The following PGR variants were observed in gnomAD, a reference collection of about 807,000 sequenced individuals.
PGR encodes progesterone receptor.
PGR carries 25 observed loss-of-function variants against 76.1 expected under a neutral mutation model. That is an observed-to-expected ratio of 0.33 (90% CI 0.24 to 0.46). The LOEUF (loss-of-function observed/expected upper bound fraction) is 0.46. PGR is among the 20% of genes least tolerant of loss of function. The pLI is 1.00. For synonymous variants in PGR, 579 were observed against 535.0 expected (o/e 1.08, Z -1.14); for missense variants, 1,172 against 1,225.3 (o/e 0.96, Z 0.65).
chr11:101,071,991 C>T (rs1056320452), intron 3 of PGR, among the ~76,000 whole-genome samples: 4 of 152,158 alleles, frequency 2.6e-5, no homozygotes, highest in Middle Eastern at 3.4e-3. Context: ...CACAAAGATA[C>T]TCCTCGAGAA....
intron 3 of PGR, among the ~76,000 whole-genome samples, chr11:101,082,029 G>T (rs187846014): frequency 8.3e-4 from 127 of 152,284 alleles, no homozygotes; most frequent in Admixed American, 3.5e-3. Context: ...GGAGGTGATT[G>T]GATCATGGGG....
chr11:101,081,322 G>A (rs538258169), intron 3 of PGR, among the ~76,000 whole-genome samples: 18 of 151,966 alleles, frequency 1.2e-4, no homozygotes, highest in African/African-American at 2.4e-4. Context: ...CCAGCTACTC[G>A]GGAGGTTGAG....
chr11:101,128,703 C>T lies in PGR; in HGVS notation c.368G>A (p.Gly123Asp), dbSNP rs1477586939. The change falls in exon 1 of 8, where the codon GGT (glycine) becomes GAT (aspartate). Residue 123 changes from glycine to aspartate, a missense_variant. Coordinates refer to ENST00000325455, the MANE Select transcript of PGR (RefSeq NM_000926.4). ...SVLDTLLAPS[G>D]PGQSQPSPPA... ...AGGGCTGGGTTGGCTCTGCCCGGGACCTGAGGGCGCCAACAGAGTGTCCAA... is the reference window on the plus strand; with the variant it reads ...AGGGCTGGGTTGGCTCTGCCCGGGATCTGAGGGCGCCAACAGAGTGTCCAA... 2 of 1,607,372 alleles carry T rather than the reference C, an allele frequency of 1.2e-6. No homozygotes were observed. Among genetic ancestry groups the T allele is most frequent in the African/African-American group, 1.3e-5 (1 of 74,892 alleles).
Position 101,127,899 on chromosome 11 carries a change from T to C in PGR, c.1172A>G (p.Glu391Gly). 1.2e-6 allele frequency: 2 copies of C among 1,600,776 alleles called. No homozygotes were observed. The highest frequency in any genetic ancestry group is 1.7e-6 in the Non-Finnish European group (2 of 1,175,086). ...GCGCGCGGAGGCCTCCGCGCCTTCCTCCTCCTCCTTTATCTTTAGAGCGGG... is the reference window on the plus strand; with the variant it reads ...GCGCGCGGAGGCCTCCGCGCCTTCCCCCTCCTCCTTTATCTTTAGAGCGGG... ...QPPALKIKEE[E>G]EGAEASARSP... is the part of the protein sequence containing the mutation. The change falls in exon 1 of 8, where the codon GAG becomes GGG. Residue 391 changes from glutamate to glycine, a missense_variant. Around this residue, in one of 4 missense-constraint regions of PGR, gnomAD observed 893 missense variants for 785.9 expected, o/e 1.14. Coordinates refer to ENST00000325455, the MANE Select transcript of PGR (RefSeq NM_000926.4).
In PGR at chr11:101,031,533, C is replaced by T. The variant is rs1025534306; in HGVS notation, c.*7583G>A. 1.3e-5 allele frequency: 3 copies of T among 228,074 alleles called. No individual in the cohort carries two copies. Among genetic ancestry groups the T allele is most frequent in the Non-Finnish European group, 2.6e-5 (3 of 115,120 alleles). The allele number at this position is 228,074 out of a possible 1,614,324, so 14.1% of individuals were successfully genotyped here. A position where few individuals can be genotyped will look rare whatever the true frequency, so the allele number is the denominator to read the frequency against. ...ACCTACTGCTCACCAGTGCTCCCTCCTCAGCTCCAAGGCTGTGGAGGGCTC... is the reference window on the plus strand; with the variant it reads ...ACCTACTGCTCACCAGTGCTCCCTCTTCAGCTCCAAGGCTGTGGAGGGCTC... On this transcript the variant is annotated 3_prime_UTR_variant, in exon 8 of 8. Coordinates refer to ENST00000325455, the MANE Select transcript of PGR (RefSeq NM_000926.4).
intron 6 of PGR, among the ~76,000 whole-genome samples, chr11:101,043,349 C>A (rs1164893307): frequency 1.3e-5 from 2 of 152,188 alleles, no homozygotes; most frequent in East Asian, 3.8e-4. Flanking sequence ...TCAATTCAGT[C>A]ATGTCTTCAG....
In PGR at chr11:101,053,356, A is replaced by C. The variant is rs187896635; in HGVS notation, c.2213-1788T>G. On this transcript the variant is annotated intron_variant, in intron 4 of 7. Coordinates refer to ENST00000325455, the MANE Select transcript of PGR (RefSeq NM_000926.4). ...CCCATCTTCATGTGAATAGTAGAAA[A>C]ATTGCTACTCTCTTCTTAGAACTCC... is the stretch of plus-strand genomic sequence containing the variant. Among the ~76,000 whole-genome samples, 283 of 149,198 alleles carry C rather than the reference A, an allele frequency of 1.9e-3. 1 individual carries two copies. Among genetic ancestry groups the C allele is most frequent in the African/African-American group, 6.4e-3 (267 of 41,460 alleles).
rs1050565963 is a variant in PGR at position 101,044,746 on chromosome 11, G to A, written c.2489-2644C>T. Among the ~76,000 whole-genome samples the A allele has an allele frequency of 5.0e-5, 6 of 119,730 alleles. No individual in the cohort carries two copies. The South Asian group carries it at 8.4e-4, about 17-fold the overall frequency. 78.5% of individuals were successfully genotyped at this position (119,730 alleles called of 152,430 possible). On this transcript the variant is annotated intron_variant, in intron 6 of 7. Transcript: ENST00000325455. ...TTTTGACACAGGGTCTTGCTCTGTCGCCCAGGCTGGAGTTCAGTGGCACAA... is the reference window on the plus strand; with the variant it reads ...TTTTGACACAGGGTCTTGCTCTGTCACCCAGGCTGGAGTTCAGTGGCACAA...
At chr11:101,090,199 A>AAAAT (rs11571186) in intron 3 of PGR, among the ~76,000 whole-genome samples, 28,059 of 151,812 alleles carry the variant, frequency 0.18, 3,150 homozygotes, top group African/African-American at 0.32. Context: ...CTCTGTCTCA[A>AAAAT]AAATAAATAA....
At chr11:101,077,110 C>T in intron 3 of PGR, among the ~76,000 whole-genome samples, 1 of 151,794 alleles carries the variant, frequency 6.6e-6, no homozygotes, top group South Asian at 2.1e-4. Context: ...GTATTCCCAT[C>T]CTGAACAATC....
At position 101,118,966 on chromosome 11, in the gene PGR, G is replaced by A. The variant is rs567687240; in HGVS notation, c.1789+7041C>T. Among the ~76,000 whole-genome samples the A allele has an allele frequency of 4.6e-4, 70 of 152,232 alleles. 1 individual carries two copies. The South Asian group carries it at 0.014, about 31-fold the overall frequency. On this transcript the variant is annotated intron_variant, in intron 2 of 7. Transcript: ENST00000325455. Reference sequence around the variant, plus strand: ...TTTTGGTATCAGGGACCAGTTTTGTGGAATACAATTTTTCCATGGATGGTG... The same window carrying A: ...TTTTGGTATCAGGGACCAGTTTTGTAGAATACAATTTTTCCATGGATGGTG...
At chr11:101,059,694 A>T (rs556886954) in intron 4 of PGR, among the ~76,000 whole-genome samples, 1 of 151,790 alleles carries the variant, frequency 6.6e-6, no homozygotes, top group African/African-American at 2.4e-5. Flanking sequence ...AATTTAGCCA[A>T]GCAAGGTGGC....
intron 4 of PGR, among the ~76,000 whole-genome samples, chr11:101,056,233 T>TAAA (rs5794092): frequency 6.7e-5 from 10 of 149,168 alleles, no homozygotes; most frequent in East Asian, 2.0e-4. Context: ...TAACAAATGT[T>TAAA]AAAAAAAAAA....
At chr11:101,083,238 T>C (rs773687364) in intron 3 of PGR, among the ~76,000 whole-genome samples, 21 of 152,106 alleles carry the variant, frequency 1.4e-4, no homozygotes, top group Admixed American at 3.3e-4. Context: ...AAGGCAAGAG[T>C]TGAGGTTTGG....
At position 101,128,570 on chromosome 11, in the gene PGR, C is replaced by T; in HGVS notation, c.501G>A (p.Arg167=). The change falls in exon 1 of 8, where the codon CGG becomes CGA. Residue 167 remains arginine, a synonymous_variant. Coordinates refer to ENST00000325455, the MANE Select transcript of PGR (RefSeq NM_000926.4). The part of the protein sequence containing the change: ...TQRVLSPLMS[R]SGCKVGDSSG... ...AGCTGTCTCCAACCTTGCACCCGGA[C>T]CGGCTCATGAGCGGGGACAACACCC... The T allele has an allele frequency of 1.3e-6, 2 of 1,598,012 alleles. No homozygotes were observed. The highest frequency in any genetic ancestry group is 1.7e-6 in the Non-Finnish European group (2 of 1,175,150).
In PGR at chr11:101,075,098, A is replaced by G. The variant is rs1381163553; in HGVS notation, c.1907-12346T>C. ...ATACTACAAGGCTACAGTAGCCAAA[A>G]CAGCATGGTACTGGTACCAAAACAG... On this transcript the variant is annotated intron_variant, in intron 3 of 7. Transcript: ENST00000325455. Among the ~76,000 whole-genome samples the G allele has an allele frequency of 3.3e-5, 5 of 152,200 alleles. No individual in the cohort carries two copies. In the East Asian group the frequency reaches 9.6e-4, roughly 29 times the overall value.
At chr11:101,086,840 A>G (rs1046596232) in intron 3 of PGR, among the ~76,000 whole-genome samples, 3 of 151,844 alleles carry the variant, frequency 2.0e-5, no homozygotes, top group African/African-American at 4.8e-5. Context: ...TAAAATAGCC[A>G]CACACACACA....
chr11:101,042,241 T>G (rs1859716485), intron 6 of PGR, 139 bp from the exon 7 acceptor site: 1 of 755,898 alleles, frequency 1.3e-6, no homozygotes, highest in East Asian at 2.7e-5. Context: ...AGGAAAGAGA[T>G]AGTGTTATTG....
chr11:101,119,196 G>T (rs1276876493), intron 2 of PGR, among the ~76,000 whole-genome samples: 1 of 152,154 alleles, frequency 6.6e-6, no homozygotes, highest in Non-Finnish European at 1.5e-5. Flanking sequence ...CCTGCTTTGT[G>T]GCCCACTTCC....
Sources: allele counts gnomAD v4.1 joint callset (sites outside exome capture counted in the v4.1 genomes callset), GRCh38; gene constraint gnomAD v4.1.1; regional missense constraint gnomAD v4.1.1; transcripts MANE v1.5; gene names NCBI Gene and HGNC (gene_info 2026-07-23, HGNC 2026-07-21).